DGKB: variants seen among roughly 807,000 people sequenced by gnomAD.
DGKB encodes the protein 90 kDa diacylglycerol kinase.
In DGKB, 67 loss-of-function variants were observed where a neutral mutation model predicts 114.3. That is an observed-to-expected ratio of 0.59 (90% CI 0.48 to 0.72). The LOEUF (loss-of-function observed/expected upper bound fraction) is 0.72. Ranked by LOEUF, DGKB falls within the 30% of genes least tolerant of loss-of-function variation. The pLI is 0.00. For synonymous variants in DGKB, 398 were observed against 323.1 expected (o/e 1.23, Z -2.49); for missense variants, 907 against 975.2 (o/e 0.93, Z 0.93).
chr7:14,660,569 C>G (rs1374424684), intron 13 of DGKB, among the ~76,000 whole-genome samples: 1 of 151,538 alleles, frequency 6.6e-6, no homozygotes, highest in Non-Finnish European at 1.5e-5. Flanking sequence ...GGTGATATCC[C>G]CTTTATCATT....
chr7:14,734,232 G>T (rs1300420377), intron 5 of DGKB, among the ~76,000 whole-genome samples: 1 of 151,822 alleles, frequency 6.6e-6, no homozygotes, highest in Non-Finnish European at 1.5e-5. Context: ...GTAGAGACGG[G>T]GTTTCACCAT....
chr7:14,151,396 T>A (rs914665399), intron 25 of DGKB, among the ~76,000 whole-genome samples: 1 of 152,018 alleles, frequency 6.6e-6, no homozygotes, highest in Admixed American at 6.6e-5. Context: ...AGACTTAGCT[T>A]CTTCTCTGTG....
At chr7:14,843,244 A>G (rs1018361324) in intron 1 of DGKB, among the ~76,000 whole-genome samples, 2 of 151,218 alleles carry the variant, frequency 1.3e-5, no homozygotes, top group African/African-American at 4.9e-5. Flanking sequence ...TTAAATGTAT[A>G]CATATACCAA....
intron 1 of DGKB, among the ~76,000 whole-genome samples, chr7:14,911,537 T>C (rs1784003646): frequency 1.3e-5 from 2 of 152,224 alleles, no homozygotes; most frequent in East Asian, 3.9e-4. Flanking sequence ...GCTTTGTCAC[T>C]GAAGTTTAAT....
In DGKB at chr7:14,495,928, A is replaced by G. The variant is rs80281516; in HGVS notation, c.1771-17703T>C. On this transcript the variant is annotated intron_variant, in intron 20 of 25. Transcript: ENST00000402815. Reference sequence around the variant, plus strand: ...TTGTTGCTAAATTGACCACACAAAAAAAAGAGACAAGCTTCAGGCTACTGT... The same window carrying G: ...TTGTTGCTAAATTGACCACACAAAAGAAAGAGACAAGCTTCAGGCTACTGT... Among the ~76,000 whole-genome samples the G allele has an allele frequency of 6.5e-3, 987 of 151,936 alleles. 12 individuals carry two copies. The highest frequency in any genetic ancestry group is 0.023 in the African/African-American group (948 of 41,522).
At chr7:14,605,811 T>C (rs1315820733) in intron 17 of DGKB, among the ~76,000 whole-genome samples, 1 of 152,112 alleles carries the variant, frequency 6.6e-6, no homozygotes, top group East Asian at 1.9e-4. Context: ...ATAATACGGA[T>C]AATAAACCAC....
intron 20 of DGKB, among the ~76,000 whole-genome samples, chr7:14,540,765 C>A (rs921603774): frequency 6.6e-6 from 1 of 152,082 alleles, no homozygotes; most frequent in Non-Finnish European, 1.5e-5. Context: ...ACAATGCCAA[C>A]TACATATTTA....
chr7:14,304,459 G>A (rs77762857), intron 23 of DGKB, among the ~76,000 whole-genome samples: 262 of 143,192 alleles, frequency 1.8e-3, no homozygotes, highest in African/African-American at 6.1e-3. Context: ...AAATCTCATA[G>A]CATTCACTTA....
chr7:14,531,753 G>A (rs538566834), intron 20 of DGKB, among the ~76,000 whole-genome samples: 3 of 150,746 alleles, frequency 2.0e-5, no homozygotes, highest in South Asian at 2.1e-4. Flanking sequence ...GAAGAAAATT[G>A]GAAAAGTTAC....
intron 2 of DGKB, among the ~76,000 whole-genome samples, chr7:14,769,064 T>C (rs1372176641): frequency 8.5e-6 from 1 of 117,580 alleles, no homozygotes; most frequent in Non-Finnish European, 1.8e-5. Context: ...TAAACATTTT[T>C]AAAGATAAGA....
At chr7:14,840,006 T>G (rs893329205) in intron 2 of DGKB, among the ~76,000 whole-genome samples, 1 of 152,168 alleles carries the variant, frequency 6.6e-6, no homozygotes, top group Non-Finnish European at 1.5e-5. Flanking sequence ...GCTCATAATA[T>G]GTACTCTATA....
At chr7:14,336,582 G>T (rs1253807889) in intron 23 of DGKB, among the ~76,000 whole-genome samples, 1 of 152,166 alleles carries the variant, frequency 6.6e-6, no homozygotes, top group Non-Finnish European at 1.5e-5. Context: ...ATGGGAAATT[G>T]GTTCTAATAG....
chr7:14,402,520 G>C (rs957433887), intron 21 of DGKB, among the ~76,000 whole-genome samples: 3 of 151,816 alleles, frequency 2.0e-5, no homozygotes, highest in Non-Finnish European at 2.9e-5. Context: ...TATGTCATTA[G>C]AGTCAAATTT....
intron 20 of DGKB, among the ~76,000 whole-genome samples, chr7:14,548,214 C>T (rs1209702261): frequency 6.6e-6 from 1 of 152,076 alleles, no homozygotes; most frequent in Non-Finnish European, 1.5e-5. Context: ...TTGAGAACTA[C>T]GTGTCAATGT....
chr7:14,312,174 C>G (rs1424437700), intron 23 of DGKB, among the ~76,000 whole-genome samples: 1 of 152,184 alleles, frequency 6.6e-6, no homozygotes, highest in Non-Finnish European at 1.5e-5. Flanking sequence ...AACTTGAGTT[C>G]TGTTAACTCT....
chr7:14,690,181 T>C (rs1182734559), intron 9 of DGKB, among the ~76,000 whole-genome samples: 1 of 152,236 alleles, frequency 6.6e-6, no homozygotes, highest in African/African-American at 2.4e-5. Flanking sequence ...TTTCAGAAAT[T>C]GAAGCCTTAT....
chr7:14,702,146 A>G (rs1825308160), intron 6 of DGKB, among the ~76,000 whole-genome samples: 1 of 152,222 alleles, frequency 6.6e-6, no homozygotes, highest in Admixed American at 6.5e-5. Context: ...ATTCACAATT[A>G]TAAGAGCTTG....
intron 1 of DGKB, among the ~76,000 whole-genome samples, chr7:14,917,027 AATAAC>A (rs1406305659): frequency 2.0e-5 from 3 of 152,172 alleles, no homozygotes; most frequent in East Asian, 1.9e-4. Flanking sequence ...AGCATTTTTA[AATAAC>A]ATAAGTCAAA....
intron 23 of DGKB, among the ~76,000 whole-genome samples, chr7:14,306,938 G>C (rs971326680): frequency 5.3e-5 from 8 of 152,078 alleles, no homozygotes; most frequent in African/African-American, 1.9e-4. Flanking sequence ...ATTTGTTCCT[G>C]TTCTTCAGGT....
Sources: gnomAD v4.1 joint callset for allele counts (sites outside exome capture counted in the v4.1 genomes callset) on GRCh38, gnomAD v4.1.1 for gene constraint, MANE v1.5 for transcripts, NCBI Gene and HGNC (gene_info 2026-07-23, HGNC 2026-07-21) for gene names.